FRAS1: variants seen among roughly 807,000 people sequenced by gnomAD.
The protein encoded by FRAS1 is Fraser extracellular matrix complex subunit 1.
Under a neutral mutation model 435.2 loss-of-function variants are expected in FRAS1, and 290 were observed. The ratio of observed to expected loss-of-function variants is 0.67; its 90% CI spans 0.61 to 0.73. The LOEUF (loss-of-function observed/expected upper bound fraction) is 0.73, where lower values mean the gene tolerates loss of function less well. Among genes scored for constraint, FRAS1 ranks in the 30% least tolerant of loss-of-function variants. The probability of loss-of-function intolerance (pLI) is 0.00; values close to 1 mark genes in which losing one functional copy is unlikely to be tolerated. For synonymous variants in FRAS1, 1,800 were observed against 1,851.0 expected (o/e 0.97, Z 0.71); for missense variants, 4,860 against 5,001.5 (o/e 0.97, Z 0.85).
intron 11 of FRAS1, 89 bp from the exon 12 acceptor site, chr4:78,282,731 C>G: frequency 6.7e-7 from 1 of 1,490,128 alleles, no homozygotes; most frequent in Non-Finnish European, 9.3e-7. Context: ...TCACTTTGTT[C>G]TTATGGAAAT....
chr4:78,396,559 T>A (rs1277374948), intron 29 of FRAS1, among the ~76,000 whole-genome samples: 5 of 152,236 alleles, frequency 3.3e-5, no homozygotes, highest in Non-Finnish European at 4.4e-5. Flanking sequence ...CATCTCATTC[T>A]GTCAGAAAAC....
At chr4:78,264,458 G>A (rs1726257500) in intron 6 of FRAS1, among the ~76,000 whole-genome samples, 1 of 152,138 alleles carries the variant, frequency 6.6e-6, no homozygotes. Flanking sequence ...GTCCATTCAT[G>A]TAAATAAATT....
Position 78,354,018 on chromosome 4 carries a change from T to TA in FRAS1, c.2423-9491dup, listed in dbSNP as rs1730744898. On this transcript the variant is annotated intron_variant, in intron 20 of 73. Transcript: ENST00000512123. ...TATAACAAAAAAATTAAAAAAAAAATAAAATAAAAAAAAAAAAAAAAAAAA... is the reference window on the plus strand; with the variant it reads ...TATAACAAAAAAATTAAAAAAAAAATAAAAATAAAAAAAAAAAAAAAAAAAA... Among the ~76,000 whole-genome samples the TA allele has an allele frequency of 3.4e-3, 26 of 7,560 alleles. 2 individuals are homozygous for TA. The highest frequency in any genetic ancestry group is 5.1e-3 in the South Asian group (2 of 392). 5.0% of individuals were successfully genotyped at this position (7,560 alleles called of 152,430 possible).
intron 49 of FRAS1, 98 bp downstream of exon 49, chr4:78,464,681 G>A: frequency 1.5e-6 from 2 of 1,343,996 alleles, no homozygotes; most frequent in East Asian, 4.7e-5. Flanking sequence ...GTAGGGAGGA[G>A]CTGTAAGGTG....
chr4:78,112,156 A>C (rs1323861824), intron 2 of FRAS1, among the ~76,000 whole-genome samples: 1 of 152,198 alleles, frequency 6.6e-6, no homozygotes, highest in Non-Finnish European at 1.5e-5. Context: ...CCAAAGGAGA[A>C]AGGAAAAATG....
chr4:78,150,758 T>C (rs1720619939), intron 2 of FRAS1, among the ~76,000 whole-genome samples: 1 of 152,188 alleles, frequency 6.6e-6, no homozygotes, highest in African/African-American at 2.4e-5. Context: ...TGATTGCTTT[T>C]AGTGTTTGCT....
At chr4:78,489,120 A>G in intron 59 of FRAS1, 40 bp downstream of exon 59, 1 of 1,559,472 alleles carries the variant, frequency 6.4e-7, no homozygotes, top group Non-Finnish European at 8.7e-7. Flanking sequence ...AGATTCTCTT[A>G]TTGTCTTTAT....
At chr4:78,249,207 A>G (rs1560602808) in intron 4 of FRAS1, among the ~76,000 whole-genome samples, 1 of 149,264 alleles carries the variant, frequency 6.7e-6, no homozygotes, top group Non-Finnish European at 1.5e-5. Flanking sequence ...AAAATGGAGT[A>G]AACTTAGGTG....
chr4:78,374,410 C>A (rs1487681280), intron 25 of FRAS1, among the ~76,000 whole-genome samples, 159 bp downstream of exon 25: 1 of 152,154 alleles, frequency 6.6e-6, no homozygotes, highest in African/African-American at 2.4e-5. Context: ...GCATATCTGC[C>A]GTATGTTGGT....
chr4:78,091,873 A>G (rs990381253), intron 2 of FRAS1, among the ~76,000 whole-genome samples: 1 of 147,036 alleles, frequency 6.8e-6, no homozygotes, highest in Non-Finnish European at 1.5e-5. Context: ...GAGACTGGGT[A>G]TAGTAGTATG....
intron 32 of FRAS1, 137 bp from the exon 33 acceptor site, chr4:78,418,812 T>C: frequency 1.8e-6 from 1 of 566,770 alleles, no homozygotes; most frequent in South Asian, 2.5e-5. Flanking sequence ...ATCCTTCTTT[T>C]GAACTCTCGA....
At chr4:78,296,967 G>C (rs919883371) in intron 14 of FRAS1, among the ~76,000 whole-genome samples, 1 of 152,074 alleles carries the variant, frequency 6.6e-6, no homozygotes, top group Non-Finnish European at 1.5e-5. Context: ...GGAAACCAAG[G>C]AACAGTGAAG....
intron 2 of FRAS1, among the ~76,000 whole-genome samples, chr4:78,139,348 T>TG (rs1720062290): frequency 6.6e-6 from 1 of 152,306 alleles, no homozygotes; most frequent in African/African-American, 2.4e-5. Context: ...GAAAATTTGA[T>TG]GGGGTATATG....
At chr4:78,202,825 T>TAA (rs1723099174) in intron 2 of FRAS1, among the ~76,000 whole-genome samples, 1 of 152,242 alleles carries the variant, frequency 6.6e-6, no homozygotes, top group African/African-American at 2.4e-5. Context: ...CTGCCTCAGG[T>TAA]AAAGGGGTCA....
intron 50 of FRAS1, among the ~76,000 whole-genome samples, chr4:78,467,931 T>A (rs1338284561): frequency 6.6e-6 from 1 of 152,232 alleles, no homozygotes; most frequent in Non-Finnish European, 1.5e-5. Flanking sequence ...ATTAGATTTT[T>A]TCCTGTAGAG....
intron 63 of FRAS1, among the ~76,000 whole-genome samples, chr4:78,511,000 A>G (rs547658160): frequency 1.3e-5 from 2 of 152,326 alleles, no homozygotes; most frequent in African/African-American, 2.4e-5. Flanking sequence ...GAACAATACT[A>G]TTAATGGAAA....
chr4:78,124,119 A>G (rs1487390856), intron 2 of FRAS1, among the ~76,000 whole-genome samples: 2 of 152,216 alleles, frequency 1.3e-5, no homozygotes, highest in Non-Finnish European at 2.9e-5. Context: ...TTTGTCATAA[A>G]TAGCTCTTAT....
rs1722042777 is a variant in FRAS1, at chr4:78,541,262, A to G, written c.*138A>G. 2.1e-6 allele frequency: 1 copy of G among 466,060 alleles called. No individual in the cohort carries two copies. The highest frequency in any genetic ancestry group is 3.6e-6 in the Non-Finnish European group (1 of 277,302). 28.9% of individuals were successfully genotyped at this position (466,060 alleles called of 1,614,324 possible). A position where few individuals can be genotyped will look rare whatever the true frequency, so the allele number is the denominator to read the frequency against. ...CAGACAGCACACATCACATGCATCA[A>G]CTCACAACTGAGCTACCTCATTCAG... On this transcript the variant is annotated 3_prime_UTR_variant, in exon 74 of 74. Transcript: ENST00000512123.
chr4:78,190,122 T>C (rs1011958973), intron 2 of FRAS1, among the ~76,000 whole-genome samples: 2 of 152,174 alleles, frequency 1.3e-5, no homozygotes, highest in African/African-American at 2.4e-5. Context: ...GCTTTTCTGG[T>C]GCACTTAGTG....
Sources: allele counts gnomAD v4.1 joint callset (sites outside exome capture counted in the v4.1 genomes callset), GRCh38; gene constraint gnomAD v4.1.1; transcripts MANE v1.5; gene names NCBI Gene and HGNC (gene_info 2026-07-23, HGNC 2026-07-21).